Variants in ZNF677 observed in about 807,000 individuals in gnomAD.
The protein encoded by ZNF677 is hypothetical protein MGC48625.
A neutral mutation model predicts 8.1 loss-of-function variants in ZNF677; 5 were observed. The ratio of observed to expected loss-of-function variants is 0.62; its 90% CI spans 0.32 to 1.29. The LOEUF (loss-of-function observed/expected upper bound fraction) is 1.29. Among genes scored for constraint, ZNF677 ranks in the 50% most tolerant of loss-of-function variants. The probability of loss-of-function intolerance (pLI) is 0.05; values close to 1 mark genes in which losing one functional copy is unlikely to be tolerated. For synonymous variants in ZNF677, 221 were observed against 225.6 expected, an observed-to-expected ratio of 0.98 and a Z score of 0.18; for missense variants, 685 against 685.9, an observed-to-expected ratio of 1.00 and a Z score of 0.01.
At chr19:53,253,847 T>C (rs1178149802) in intron 1 of ZNF677, among the ~76,000 whole-genome samples, 1 of 152,056 alleles carries the variant, frequency 6.6e-6, no homozygotes, top group Non-Finnish European at 1.5e-5. Context: ...ATTTAGAAAA[T>C]GACACAAGCC....
chr19:53,238,038 G>C lies in ZNF677; in HGVS notation c.689C>G (p.Pro230Arg). ...ATTACAAATGTTTTTGACACAAGGA[G>C]GAAGTGGTGAAACTGAGGAACTATT... is the stretch of plus-strand genomic sequence containing the variant. ...SINSSSVSPLPPCVKNICNKY... is the reference protein window; with the variant it reads ...SINSSSVSPLRPCVKNICNKY... The change falls in exon 5 of 5, where the codon CCT becomes CGT. Residue 230 changes from proline (P) to arginine (R), a missense_variant. By Grantham distance (103) the Pro-to-Arg change is moderately radical (BLOSUM62 -2). Transcript: ENST00000598513. 6.2e-7 allele frequency: 1 copy of C among 1,613,948 alleles called. No individual in the cohort carries two copies. The highest frequency in any genetic ancestry group is 8.5e-7 in the Non-Finnish European group (1 of 1,179,962).
At chr19:53,253,031 C>G (rs184282419) in intron 2 of ZNF677, 55 bp downstream of exon 2, 1 of 152,090 alleles carries the variant, frequency 6.6e-6, no homozygotes, top group East Asian at 1.9e-4. Context: ...AAAAAGTAAG[C>G]TAGAGAAAAG....
Position 53,238,529 on chromosome 19 carries a change from T to A in ZNF677, c.198A>T (p.Gly66=). Residue 66 remains glycine, a synonymous_variant, in exon 5 of 5, where the codon GGA becomes GGT. Transcript: ENST00000598513. The part of the protein sequence containing the change: ...DDISVGFTSK[G]LSPKENNKEE... Reference sequence around the variant, plus strand: ...CTTTATTATTTTCCTTTGGTGATAATCCCTTGCTTGTAAATCCAACAGAAA... The same window carrying A: ...CTTTATTATTTTCCTTTGGTGATAAACCCTTGCTTGTAAATCCAACAGAAA... The A allele has an allele frequency of 6.3e-7, 1 of 1,576,924 alleles. No individual in the cohort carries two copies. The highest frequency in any genetic ancestry group is 1.2e-5 in the South Asian group (1 of 85,054).
chr19:53,254,444 T>C (rs1216773213), intron 1 of ZNF677, among the ~76,000 whole-genome samples: 2 of 152,128 alleles, frequency 1.3e-5, no homozygotes, highest in Non-Finnish European at 2.9e-5. Flanking sequence ...TCCCTCTTTA[T>C]CCTCCATTTC....
At chr19:53,248,567 T>C (rs995911621) in intron 3 of ZNF677, among the ~76,000 whole-genome samples, 2 of 152,238 alleles carry the variant, frequency 1.3e-5, no homozygotes, top group African/African-American at 4.8e-5. Context: ...TTCTGAAGGA[T>C]AATTTGCCTG....
Position 53,237,270 on chromosome 19 carries a change from G to C in ZNF677, c.1457C>G (p.Pro486Arg). 1 of 1,613,774 alleles carries C rather than the reference G, an allele frequency of 6.2e-7. No individual in the cohort carries two copies. Among genetic ancestry groups the C allele is most frequent in the Non-Finnish European group, 8.5e-7 (1 of 1,179,918 alleles). Residue 486 changes from proline to arginine, a missense_variant, in exon 5 of 5, where the codon CCT (proline) becomes CGT (arginine). Pro to Arg is a moderately radical substitution (Grantham distance 103). Coordinates refer to ENST00000598513, the MANE Select transcript of ZNF677 (RefSeq NM_182609.4). ...GHQRTHTGEK[P>R]YKCTECGKAF... The stretch of plus-strand genomic sequence containing the variant: ...TTTGCCACATTCAGTACATTTGTAA[G>C]GTTTCTCTCCAGTATGAGTTCTCTG...
In ZNF677 at chr19:53,237,336, C is replaced by T. The variant is rs540390414; in HGVS notation, c.1391G>A (p.Cys464Tyr). The part of the protein sequence containing the change: ...TGEKPYKCNK[C>Y]DKAFIKRSHL... Reference sequence around the variant, plus strand: ...TGAACGTTTGATAAAAGCTTTATCACATTTATTACATTTGTAAGGTTTTTC... The same window carrying T: ...TGAACGTTTGATAAAAGCTTTATCATATTTATTACATTTGTAAGGTTTTTC... The change falls in exon 5 of 5, where the codon TGT becomes TAT. Residue 464 changes from cysteine to tyrosine, a missense_variant. Cys to Tyr is a radical substitution (Grantham distance 194). Coordinates refer to ENST00000598513, the MANE Select transcript of ZNF677 (RefSeq NM_182609.4). 1.2e-6 allele frequency: 2 copies of T among 1,613,652 alleles called. No homozygotes were observed. Among genetic ancestry groups the T allele is most frequent in the South Asian group, 1.1e-5 (1 of 91,052 alleles).
At chr19:53,246,266 C>G (rs2146953847) in intron 3 of ZNF677, among the ~76,000 whole-genome samples, 1 of 144,262 alleles carries the variant, frequency 6.9e-6, no homozygotes, top group South Asian at 2.3e-4. Context: ...TGCAGTGAGC[C>G]AAGATCGCGC....
chr19:53,238,711 A>T (rs536953575), intron 4 of ZNF677, 154 bp from the exon 5 acceptor site: 13 of 625,418 alleles, frequency 2.1e-5, no homozygotes, highest in African/African-American at 1.7e-4. Context: ...ACACAAAGGG[A>T]CTAGCTGTCC....
intron 4 of ZNF677, 37 bp from the exon 5 acceptor site, chr19:53,238,594 AAT>A: frequency 6.7e-7 from 1 of 1,494,276 alleles, no homozygotes; most frequent in Non-Finnish European, 8.9e-7. Context: ...CTTTCCATCA[AAT>A]AGAGTTGCAA....
intron 3 of ZNF677, among the ~76,000 whole-genome samples, chr19:53,248,042 T>C (rs538797682): frequency 6.6e-6 from 1 of 152,364 alleles, no homozygotes; most frequent in African/African-American, 2.4e-5. Flanking sequence ...TTTTTTGTTT[T>C]GTAATTATTC....
chr19:53,250,556 T>C (rs2091218767), intron 3 of ZNF677, among the ~76,000 whole-genome samples: 1 of 152,150 alleles, frequency 6.6e-6, no homozygotes, highest in South Asian at 2.1e-4. Context: ...CCACTATCTT[T>C]AGCAAACTAA....
chr19:53,236,940 T>C lies in ZNF677; in HGVS notation c.*32A>G, dbSNP rs768935013. 1.3e-6 allele frequency: 2 copies of C among 1,515,990 alleles called. No homozygotes were observed. Among genetic ancestry groups the C allele is most frequent in the African/African-American group, 1.4e-5 (1 of 71,698 alleles). The allele number at this position is 1,515,990 out of a possible 1,614,324, so 93.9% of individuals were successfully genotyped here. On this transcript the variant is annotated 3_prime_UTR_variant, in exon 5 of 5. Coordinates refer to ENST00000598513, the MANE Select transcript of ZNF677 (RefSeq NM_182609.4). ...AAGGCTTTACCACATTTTCGTTTTA[T>C]ATGGTTTCTTTTCACAATGGAGCCC...
At chr19:53,242,232 G>C (rs761945832) in intron 4 of ZNF677, 1 of 398,196 alleles carries the variant, frequency 2.5e-6, no homozygotes, top group East Asian at 3.6e-5. Flanking sequence ...ACGCCCATCC[G>C]GAATGTGTAT....
In ZNF677 at chr19:53,238,055, G is replaced by A. The variant is rs1182854205; in HGVS notation, c.672C>T (p.Ser224=). Residue 224 remains serine, a synonymous_variant, in exon 5 of 5, where the codon TCC becomes TCT. Transcript: ENST00000598513. ...CNPVEKSINS[S]SVSPLPPCVK... ...CACAAGGAGGAAGTGGTGAAACTGAGGAACTATTGATAGACTTCTCAACTG... is the reference window on the plus strand; with the variant it reads ...CACAAGGAGGAAGTGGTGAAACTGAAGAACTATTGATAGACTTCTCAACTG... 6.2e-7 allele frequency: 1 copy of A among 1,613,884 alleles called. No homozygotes were observed. The highest frequency in any genetic ancestry group is 8.5e-7 in the Non-Finnish European group (1 of 1,179,980).
At chr19:53,254,127 T>C (rs2091278035) in intron 1 of ZNF677, among the ~76,000 whole-genome samples, 1 of 152,232 alleles carries the variant, frequency 6.6e-6, no homozygotes, top group Non-Finnish European at 1.5e-5. Context: ...AAATTAATTA[T>C]AGAGCCATAC....
In ZNF677 at chr19:53,237,322, T is replaced by A. The variant is rs764864471; in HGVS notation, c.1405A>T (p.Ile469Phe). 3 of 1,613,704 alleles carry A rather than the reference T, an allele frequency of 1.9e-6. No homozygotes were observed. In the African/African-American group the frequency reaches 4.0e-5, roughly 22 times the overall value. ...TGACCCCAAAGGTGTGAACGTTTGATAAAAGCTTTATCACATTTATTACAT... is the reference window on the plus strand; with the variant it reads ...TGACCCCAAAGGTGTGAACGTTTGAAAAAAGCTTTATCACATTTATTACAT... ...YKCNKCDKAFIKRSHLWGHQR... is the reference protein window; with the variant it reads ...YKCNKCDKAFFKRSHLWGHQR... Residue 469 changes from isoleucine to phenylalanine, a missense_variant, in exon 5 of 5, where the codon ATC becomes TTC. By Grantham distance (21) the Ile-to-Phe change is conservative. Transcript: ENST00000598513.
At chr19:53,239,857 A>G (rs532799936) in intron 4 of ZNF677, 1 of 152,358 alleles carries the variant, frequency 6.6e-6, no homozygotes, top group Admixed American at 6.5e-5. Flanking sequence ...ACTCACAGAG[A>G]AAGCACATCT....
chr19:53,250,732 A>G (rs769579585), intron 3 of ZNF677, among the ~76,000 whole-genome samples: 31 of 152,196 alleles, frequency 2.0e-4, no homozygotes, highest in Non-Finnish European at 2.9e-4. Flanking sequence ...GAGGTTTAAT[A>G]TCTGGATGAT....
Sources: allele counts gnomAD v4.1 joint callset (sites outside exome capture counted in the v4.1 genomes callset), GRCh38; gene constraint gnomAD v4.1.1; transcripts MANE v1.5; gene names NCBI Gene and HGNC (gene_info 2026-07-23, HGNC 2026-07-21).